PCGF5: variants seen among roughly 807,000 people sequenced by gnomAD.
PCGF5 encodes the protein polycomb group ring finger 5, also known as polycomb group RING finger protein 5.
PCGF5 carries 9 observed loss-of-function variants against 44.3 expected under a neutral mutation model. The observed-to-expected ratio is 0.20, with a 90% CI of 0.12 to 0.35. The LOEUF (loss-of-function observed/expected upper bound fraction) is 0.35. Among genes scored for constraint, PCGF5 ranks in the 10% least tolerant of loss-of-function variants. The probability of loss-of-function intolerance (pLI) is 1.00; values close to 1 mark genes in which losing one functional copy is unlikely to be tolerated. For missense variants in PCGF5, 146 were observed against 305.3 expected, an observed-to-expected ratio of 0.48 and a Z score of 3.89; for synonymous variants, 95 against 102.5, an observed-to-expected ratio of 0.93 and a Z score of 0.44.
At chr10:91,207,269 A>G (rs1319608297) in intron 1 of PCGF5, among the ~76,000 whole-genome samples, 6 of 152,192 alleles carry the variant, frequency 3.9e-5, no homozygotes, top group Admixed American at 1.3e-4. Flanking sequence ...GAGATGAGCC[A>G]TTTGTCATTG....
chr10:91,230,712 A>G (rs1483074749), intron 2 of PCGF5, among the ~76,000 whole-genome samples: 1 of 151,902 alleles, frequency 6.6e-6, no homozygotes, highest in Non-Finnish European at 1.5e-5. Flanking sequence ...TCCATCCCCC[A>G]CAGTCTCAAG....
At chr10:91,169,685 T>G (rs958582414) in intron 1 of PCGF5, among the ~76,000 whole-genome samples, 1 of 152,344 alleles carries the variant, frequency 6.6e-6, no homozygotes, top group Middle Eastern at 3.4e-3. Context: ...GAAGACTCAA[T>G]ATTGTCAGGA....
rs760785402 is a variant in PCGF5 at position 91,251,310 on chromosome 10, A to T, written c.344A>T (p.Asp115Val). ...ENGQDDTSKA[D>V]KPKVDEEGDE... ...TATACAGATGATACTTCAAAAGCTGACAAACCGAAAGTAGATGAAGAAGGT... is the reference window on the plus strand; with the variant it reads ...TATACAGATGATACTTCAAAAGCTGTCAAACCGAAAGTAGATGAAGAAGGT... The change falls in exon 6 of 10, where the codon GAC (aspartate) becomes GTC (valine). Residue 115 changes from aspartate (D) to valine (V), a missense_variant. By Grantham distance (152) the Asp-to-Val change is radical. This residue lies in a region of PCGF5 where 123 missense variants were observed against 268.6 expected (regional missense o/e 0.46). Coordinates refer to ENST00000336126, the MANE Select transcript of PCGF5 (RefSeq NM_032373.5). The T allele has an allele frequency of 1.2e-6, 2 of 1,609,396 alleles. No individual in the cohort carries two copies. The highest frequency in any genetic ancestry group is 1.7e-6 in the Non-Finnish European group (2 of 1,176,880).
exon 1 of PCGF5, chr10:91,163,044 C>G (rs1287500316): frequency 6.7e-6 from 1 of 148,322 alleles, no homozygotes; most frequent in Non-Finnish European, 1.5e-5. Flanking sequence ...CCACGCGCCC[C>G]GCGCGGCCCG....
At chr10:91,268,856 TG>T (rs1463043493) in intron 8 of PCGF5, among the ~76,000 whole-genome samples, 1 of 152,142 alleles carries the variant, frequency 6.6e-6, no homozygotes, top group East Asian at 1.9e-4. Context: ...GATGCATTTT[TG>T]AAAGATTTTT....
At chr10:91,272,398 G>A (rs1589412494) in intron 9 of PCGF5, among the ~76,000 whole-genome samples, 2 of 152,086 alleles carry the variant, frequency 1.3e-5, no homozygotes, top group Non-Finnish European at 2.9e-5. Context: ...TAATCCCAGT[G>A]CTTTGGGAGG....
intron 1 of PCGF5, among the ~76,000 whole-genome samples, chr10:91,211,933 G>T (rs1034021695): frequency 6.6e-6 from 1 of 152,184 alleles, no homozygotes; most frequent in Non-Finnish European, 1.5e-5. Context: ...GCACTAGAAT[G>T]GTTCAGGAGC....
rs1846481756 is a variant in PCGF5 at position 91,282,666 on chromosome 10, A to T, written c.*4350A>T. 1 of 152,618 alleles carries T rather than the reference A, an allele frequency of 6.6e-6. No individual in the cohort carries two copies. The highest frequency in any genetic ancestry group is 1.5e-5 in the Non-Finnish European group (1 of 68,044). 9.5% of individuals were successfully genotyped at this position (152,618 alleles called of 1,614,324 possible). A position where few individuals can be genotyped will look rare whatever the true frequency, so the allele number is the denominator to read the frequency against. ...CATGCTATGGGCTACCTTAAAGGTAAAACTCATCTTATGGAGTCTTTCTGA... is the reference window on the plus strand; with the variant it reads ...CATGCTATGGGCTACCTTAAAGGTATAACTCATCTTATGGAGTCTTTCTGA... On this transcript the variant is annotated 3_prime_UTR_variant, in exon 10 of 10. Transcript: ENST00000336126.
chr10:91,196,908 C>T (rs984135524), intron 1 of PCGF5, among the ~76,000 whole-genome samples: 1 of 152,156 alleles, frequency 6.6e-6, no homozygotes, highest in African/African-American at 2.4e-5. Flanking sequence ...CACTGGTGGA[C>T]GAGATATAAT....
In PCGF5 at chr10:91,251,506, C is replaced by G. The variant is rs1845623428; in HGVS notation, c.474+66C>G. The G allele has an allele frequency of 4.1e-6, 6 of 1,452,570 alleles. No individual in the cohort carries two copies. The South Asian group carries it at 7.5e-5, about 18-fold the overall frequency. 90.0% of individuals were successfully genotyped at this position (1,452,570 alleles called of 1,614,324 possible). ...TAGTAAACCCTTGATAATTTGTTGA[C>G]AAATTTTCTAATGCTTCAAAATGTT... On this transcript the variant is annotated intron_variant, in intron 6 of 9. Coordinates refer to ENST00000336126, the MANE Select transcript of PCGF5 (RefSeq NM_032373.5).
intron 1 of PCGF5, among the ~76,000 whole-genome samples, chr10:91,211,291 TGTTAA>T (rs1176464022): frequency 2.6e-5 from 4 of 152,212 alleles, no homozygotes; most frequent in Admixed American, 6.5e-5. Context: ...GGGGATTAGT[TGTTAA>T]GTTAAAGAAT....
At chr10:91,251,052 G>C (rs1445146600) in intron 5 of PCGF5, among the ~76,000 whole-genome samples, 3 of 149,200 alleles carry the variant, frequency 2.0e-5, no homozygotes, top group Non-Finnish European at 3.0e-5. Context: ...TCATTTGGAT[G>C]TCCCAATGAG....
chr10:91,233,072 G>T (rs911029264), intron 2 of PCGF5, among the ~76,000 whole-genome samples: 2 of 152,286 alleles, frequency 1.3e-5, no homozygotes, highest in East Asian at 3.9e-4. Context: ...GACCAAAGAA[G>T]AGAGGGGAAG....
intron 1 of PCGF5, among the ~76,000 whole-genome samples, chr10:91,206,530 A>G (rs996954993): frequency 3.9e-5 from 6 of 152,200 alleles, no homozygotes; most frequent in Non-Finnish European, 8.8e-5. Context: ...ATGGAGCCTC[A>G]GTGCACTTAG....
At chr10:91,264,377 A>C in intron 7 of PCGF5, 54 bp from the exon 8 acceptor site, 4 of 1,399,708 alleles carry the variant, frequency 2.9e-6, no homozygotes, top group Non-Finnish European at 3.9e-6. Context: ...AAATATGCAA[A>C]ATACTTTTGA....
rs529217870 is a variant in PCGF5 at position 91,282,954 on chromosome 10, A to G, written c.*4638A>G. 1 of 152,442 alleles carries G rather than the reference A, an allele frequency of 6.6e-6. No homozygotes were observed. Among genetic ancestry groups the G allele is most frequent in the East Asian group, 1.9e-4 (1 of 5,192 alleles). The allele number at this position is 152,442 out of a possible 1,614,324, so 9.4% of individuals were successfully genotyped here. ...TAGAAATAAGGAACATGTCTGCTAG[A>G]TCTGGTTTATGAAAAAGTGAAAAAT... On this transcript the variant is annotated 3_prime_UTR_variant, in exon 10 of 10. Transcript: ENST00000336126.
intron 6 of PCGF5, among the ~76,000 whole-genome samples, chr10:91,258,354 C>T (rs1845809350): frequency 6.6e-6 from 1 of 152,098 alleles, no homozygotes; most frequent in Admixed American, 6.6e-5. Context: ...TAAGAGTCTT[C>T]CAGTACAGGT....
intron 1 of PCGF5, among the ~76,000 whole-genome samples, chr10:91,192,879 G>A (rs1353024883): frequency 6.6e-6 from 1 of 152,118 alleles, no homozygotes; most frequent in African/African-American, 2.4e-5. Context: ...CCTAATCCTT[G>A]GGACCTGTAA....
At chr10:91,275,924 A>AT (rs1392076902) in intron 9 of PCGF5, among the ~76,000 whole-genome samples, 12 of 152,180 alleles carry the variant, frequency 7.9e-5, no homozygotes, top group Non-Finnish European at 1.6e-4. Flanking sequence ...ACTAAACTCA[A>AT]ATGTGCAGCA....
Sources: gnomAD v4.1 joint callset for allele counts (sites outside exome capture counted in the v4.1 genomes callset) on GRCh38, gnomAD v4.1.1 for gene constraint, gnomAD v4.1.1 regional missense constraint, MANE v1.5 for transcripts, NCBI Gene and HGNC (gene_info 2026-07-23, HGNC 2026-07-21) for gene names.